Variants in TRDMT1 observed in about 807,000 individuals in gnomAD.
TRDMT1 encodes tRNA aspartic acid methyltransferase 1, also known as tRNA (cytosine(38)-C(5))-methyltransferase.
TRDMT1 carries 49 observed loss-of-function variants against 51.2 expected under a neutral mutation model. The observed-to-expected ratio is 0.96, with a 90% CI of 0.76 to 1.21. TRDMT1 has a LOEUF of 1.21. Among genes scored for constraint, TRDMT1 ranks in the 50% most tolerant of loss-of-function variants. The pLI, the probability that TRDMT1 is intolerant of heterozygous loss-of-function variation, is 0.00. For missense variants in TRDMT1, 534 were observed against 462.3 expected (o/e 1.16, Z -1.42); for synonymous variants, 187 against 164.6 (o/e 1.14, Z -1.04).
chr10:17,149,270 A>T, intron 10 of TRDMT1, 130 bp from the exon 11 acceptor site: 1 of 701,696 alleles, frequency 1.4e-6, no homozygotes, highest in Non-Finnish European at 2.3e-6. Flanking sequence ...ATGAAGTTTT[A>T]TTAACAAAAG....
rs776030028 is a variant in TRDMT1 at position 17,149,167 on chromosome 10, A to T, written c.1076-27T>A. ...TAAAAAGACAAAGAACAATTTAAAG[A>T]AATCATTTGTAATCACAATTTCCAG... On this transcript the variant is annotated intron_variant, in intron 10 of 10. Coordinates refer to ENST00000377799, the MANE Select transcript of TRDMT1 (RefSeq NM_004412.7). The T allele has an allele frequency of 1.9e-6, 3 of 1,553,290 alleles. No homozygotes were observed. The African/African-American group carries it at 4.1e-5, about 21-fold the overall frequency.
chr10:17,185,912 C>A, intron 1 of TRDMT1, among the ~76,000 whole-genome samples: 1 of 151,804 alleles, frequency 6.6e-6, no homozygotes, highest in Middle Eastern at 3.4e-3. Context: ...TTGTGGGGTG[C>A]GGGGAGGAAG....
chr10:17,184,449 A>G (rs1428687340), intron 1 of TRDMT1, among the ~76,000 whole-genome samples: 1 of 151,136 alleles, frequency 6.6e-6, no homozygotes, highest in Non-Finnish European at 1.5e-5. Context: ...ATAGTATAAT[A>G]TATATAATAA....
intron 2 of TRDMT1, among the ~76,000 whole-genome samples, chr10:17,171,111 A>ATGTGTGTGTGTGTGTGTG (rs66891484): frequency 1.1e-4 from 16 of 142,822 alleles, no homozygotes; most frequent in Non-Finnish European, 1.8e-4. Flanking sequence ...CTGGATTTAG[A>ATGTGTGTGTGTGTGTGTG]TGTGTGTGTG....
chr10:17,162,930 G>T (rs570171909), intron 3 of TRDMT1, among the ~76,000 whole-genome samples: 252 of 152,248 alleles, frequency 1.7e-3, no homozygotes, highest in South Asian at 0.012. Flanking sequence ...CTATGTTTAG[G>T]AAAACACACA....
chr10:17,186,941 T>G (rs1399710894), intron 1 of TRDMT1, among the ~76,000 whole-genome samples: 1 of 152,230 alleles, frequency 6.6e-6, no homozygotes, highest in Non-Finnish European at 1.5e-5. Flanking sequence ...TTAATGTTCA[T>G]GGTCACATTA....
In TRDMT1 at chr10:17,144,514, G is replaced by C. The variant is rs1837939521; in HGVS notation, c.*4526C>G. On this transcript the variant is annotated 3_prime_UTR_variant, in exon 11 of 11. Coordinates refer to ENST00000377799, the MANE Select transcript of TRDMT1 (RefSeq NM_004412.7). ...AGGAGTCAAGTGTGGTGTACTTGAG[G>C]GAGACTTCAGTAAGTGCTGGATGTG... 3.0e-6 allele frequency: 3 copies of C among 985,732 alleles called. No homozygotes were observed. The highest frequency in any genetic ancestry group is 3.6e-6 in the Non-Finnish European group (3 of 829,904). The allele number at this position is 985,732 out of a possible 1,614,324, so 61.1% of individuals were successfully genotyped here.
Position 17,148,748 on chromosome 10 carries a change from T to C in TRDMT1, c.*292A>G. On this transcript the variant is annotated 3_prime_UTR_variant, in exon 11 of 11. Coordinates refer to ENST00000377799, the MANE Select transcript of TRDMT1 (RefSeq NM_004412.7). ...GTAGACACTAAAGCTCTAGTGCTCCTTGATTTGTTTATAAAATTGTTTTTA... is the reference window on the plus strand; with the variant it reads ...GTAGACACTAAAGCTCTAGTGCTCCCTGATTTGTTTATAAAATTGTTTTTA... 1.9e-6 allele frequency: 2 copies of C among 1,028,164 alleles called. No homozygotes were observed. Among genetic ancestry groups the C allele is most frequent in the Non-Finnish European group, 2.3e-6 (2 of 856,592 alleles). The allele number at this position is 1,028,164 out of a possible 1,614,324, so 63.7% of individuals were successfully genotyped here. A position where few individuals can be genotyped will look rare whatever the true frequency, so the allele number is the denominator to read the frequency against.
intron 1 of TRDMT1, among the ~76,000 whole-genome samples, chr10:17,196,432 A>C (rs1046855201): frequency 6.6e-6 from 1 of 152,224 alleles, no homozygotes; most frequent in African/African-American, 2.4e-5. Context: ...AATGAGAAAA[A>C]TACAGAATCT....
At chr10:17,162,360 A>T in intron 3 of TRDMT1, 123 bp from the exon 4 acceptor site, 1 of 831,988 alleles carries the variant, frequency 1.2e-6, no homozygotes, top group Non-Finnish European at 1.9e-6. Context: ...GTCCTCACAA[A>T]AAATAGGGTC....
At chr10:17,166,286 C>T (rs1382985794) in intron 3 of TRDMT1, among the ~76,000 whole-genome samples, 7 of 148,784 alleles carry the variant, frequency 4.7e-5, no homozygotes, top group East Asian at 2.0e-4. Flanking sequence ...AACCAAACAC[C>T]GCAAGTTCTC....
In TRDMT1 at chr10:17,149,055, T is replaced by G. The variant is rs779781084; in HGVS notation, c.1161A>C (p.Lys387Asn). Residue 387 changes from lysine to asparagine, a missense_variant, in exon 11 of 11, where the codon AAA (lysine) becomes AAC (asparagine). Lys to Asn is a moderately conservative substitution (Grantham distance 94). Transcript: ENST00000377799. ...LNVHVVAKLI[K>N]ILYE ...TATTTCAAAATTATTCATATAAGAT[T>G]TTGATTAGTTTAGCTACTACATGCA... The G allele has an allele frequency of 3.7e-6, 6 of 1,606,928 alleles. No homozygotes were observed. The East Asian group carries it at 9.0e-5, about 24-fold the overall frequency.
At chr10:17,161,104 A>G (rs931178535) in intron 5 of TRDMT1, among the ~76,000 whole-genome samples, 6 of 152,174 alleles carry the variant, frequency 3.9e-5, no homozygotes, top group Non-Finnish European at 8.8e-5. Flanking sequence ...ACCCCGACAC[A>G]GGAATTCTTC....
At chr10:17,153,338 G>A in intron 10 of TRDMT1, 169 bp downstream of exon 10, 1 of 721,884 alleles carries the variant, frequency 1.4e-6, no homozygotes, top group Non-Finnish European at 2.2e-6. Flanking sequence ...AACCGAATGA[G>A]GCAGTTATGA....
Position 17,142,227 on chromosome 10 carries a change from A to G in TRDMT1, c.*6813T>C, listed in dbSNP as rs1326279945. ...TTCTTGGTATGACAGGCTATTTTAC[A>G]TCGTATCCTGAACCTTTTGTCTATT... is the stretch of plus-strand genomic sequence containing the variant. On this transcript the variant is annotated 3_prime_UTR_variant, in exon 11 of 11. Coordinates refer to ENST00000377799, the MANE Select transcript of TRDMT1 (RefSeq NM_004412.7). 6.6e-6 allele frequency: 1 copy of G among 152,136 alleles called. No individual in the cohort carries two copies. Among genetic ancestry groups the G allele is most frequent in the East Asian group, 1.9e-4 (1 of 5,196 alleles). 9.4% of individuals were successfully genotyped at this position (152,136 alleles called of 1,614,324 possible).
chr10:17,184,070 T>C (rs143331129), intron 1 of TRDMT1, among the ~76,000 whole-genome samples: 191 of 152,268 alleles, frequency 1.3e-3, no homozygotes, highest in Middle Eastern at 0.01. Context: ...GCCCAAAAAA[T>C]GTAGAGCTGA....
At position 17,187,974 on chromosome 10, in the gene TRDMT1, A is replaced by G. The variant is rs146239071; in HGVS notation, c.65-13314T>C. 1.1e-3 allele frequency among the ~76,000 whole-genome samples: 175 copies of G among 152,328 alleles called. 1 individual carries two copies. In the East Asian group the frequency reaches 0.012, roughly 11 times the overall value. On this transcript the variant is annotated intron_variant, in intron 1 of 10. Coordinates refer to ENST00000377799, the MANE Select transcript of TRDMT1 (RefSeq NM_004412.7). ...CTTCATATTGTATAATTTATAATTTAAACATACTTTATTTTTTATATTCAG... is the reference window on the plus strand; with the variant it reads ...CTTCATATTGTATAATTTATAATTTGAACATACTTTATTTTTTATATTCAG...
rs1171245177 is a variant in TRDMT1 at position 17,157,664 on chromosome 10, A to G, written c.664T>C (p.Cys222Arg). The G allele has an allele frequency of 1.2e-6, 2 of 1,613,494 alleles. No individual in the cohort carries two copies. The highest frequency in any genetic ancestry group is 1.1e-5 in the South Asian group (1 of 91,018). ...PNISFDGSIQ[C>R]SGKDAILFKL... ...AAAAGAATGGCATCTTTTCCAGAAC[A>G]CTGTATGCTGCCATCAAAGCTAATA... Residue 222 changes from cysteine to arginine, a missense_variant, in exon 8 of 11, where the codon TGT becomes CGT. Transcript: ENST00000377799.
intron 1 of TRDMT1, among the ~76,000 whole-genome samples, chr10:17,199,302 A>G (rs1564356752): frequency 1.3e-5 from 2 of 152,174 alleles, no homozygotes; most frequent in African/African-American, 4.8e-5. Context: ...GGGAGGCAGG[A>G]AAGTTGCTTT....
Sources: allele counts gnomAD v4.1 joint callset (sites outside exome capture counted in the v4.1 genomes callset), GRCh38; gene constraint gnomAD v4.1.1; transcripts MANE v1.5; gene names NCBI Gene and HGNC (gene_info 2026-07-23, HGNC 2026-07-21).